Variants in ACCSL observed in about 807,000 individuals in gnomAD.
The protein encoded by ACCSL is 1-aminocyclopropane-1-carboxylate synthase homolog (inactive) like.
In ACCSL, 55 loss-of-function variants were observed where a neutral mutation model predicts 61.7. The observed-to-expected ratio is 0.89, with a 90% confidence interval of 0.72 to 1.12. The LOEUF is 1.12. Among genes scored for constraint, ACCSL ranks in the 50% most tolerant of loss-of-function variants. The pLI is 0.00. For synonymous variants in ACCSL, 258 were observed against 264.3 expected (o/e 0.98, Z 0.23); for missense variants, 632 against 698.0 (o/e 0.91, Z 1.07).
the ACCSL span, among the ~76,000 whole-genome samples, chr11:44,029,131 G>A: frequency 6.6e-6 from 1 of 152,200 alleles, no homozygotes; most frequent in East Asian, 1.9e-4. Context: ...TAATCAGAGG[G>A]ATCCTTCTAT....
rs755691880 is a variant in ACCSL, at chr11:44,058,422, G to A, written c.1433G>A (p.Arg478His). The A allele has an allele frequency of 6.2e-6, 10 of 1,614,016 alleles. No homozygotes were observed. The highest frequency in any genetic ancestry group is 4.0e-5 in the African/African-American group (3 of 74,896). ...GCATTGGAGATCCCTTTTCACAACC[G>A]CAGCTCTGGCCTCTATGTCTGGATC... Reference protein sequence around the residue: ...LKALEIPFHNRSSGLYVWINL... With the variant: ...LKALEIPFHNHSSGLYVWINL... Residue 478 changes from arginine (R) to histidine (H), a missense_variant, in exon 12 of 14, where the codon CGC (arginine) becomes CAC (histidine). Coordinates refer to ENST00000378832, the MANE Select transcript of ACCSL (RefSeq NM_001031854.2).
chr11:43,991,179 C>T, the ACCSL span, among the ~76,000 whole-genome samples: 4 of 152,334 alleles, frequency 2.6e-5, no homozygotes, highest in Admixed American at 2.6e-4. Context: ...ATGCCAGGCC[C>T]TGTTCTGAGC....
chr11:43,951,931 G>A, the ACCSL span, among the ~76,000 whole-genome samples: 54 of 152,294 alleles, frequency 3.5e-4, no homozygotes, highest in Non-Finnish European at 5.9e-4. Flanking sequence ...AATCCTGGAG[G>A]TAGAGGTTAT....
At chr11:44,040,092 C>G in the ACCSL span, among the ~76,000 whole-genome samples, 4 of 152,244 alleles carry the variant, frequency 2.6e-5, no homozygotes, top group African/African-American at 9.6e-5. Context: ...TCTCCTGGGT[C>G]TCCTTCCTGA....
chr11:44,046,754 GA>G (rs946314907), upstream of ACCSL, among the ~76,000 whole-genome samples: 2 of 151,642 alleles, frequency 1.3e-5, no homozygotes, highest in Admixed American at 1.3e-4. Flanking sequence ...TAGATTTTTA[GA>G]AAAAAGGGTC....
the ACCSL span, among the ~76,000 whole-genome samples, chr11:43,976,923 A>G: frequency 6.6e-6 from 1 of 152,226 alleles, no homozygotes; most frequent in African/African-American, 2.4e-5. Context: ...AGTAGGTATT[A>G]CTTTTATAAA....
intron 4 of ACCSL, 104 bp downstream of exon 4, chr11:44,051,508 C>T: frequency 6.5e-7 from 1 of 1,543,616 alleles, no homozygotes; most frequent in South Asian, 1.1e-5. Flanking sequence ...TGAAGACTCT[C>T]AGGGCCAGGG....
chr11:44,051,068 C>T (rs1309457425), intron 3 of ACCSL, among the ~76,000 whole-genome samples: 1 of 152,110 alleles, frequency 6.6e-6, no homozygotes, highest in Non-Finnish European at 1.5e-5. Context: ...GTCTTGATCT[C>T]CTGACCTTGT....
Position 44,050,083 on chromosome 11 carries a change from A to C in ACCSL, c.526A>C (p.Ser176Arg). ...CCAGGGTTTCATTAACCTTGGCACC[A>C]GTGAGAACAAGCTCTGCATGGATCT... The part of the protein sequence containing the change: ...NTLGFINLGT[S>R]ENKLCMDLMT... Residue 176 changes from serine (S) to arginine (R), a missense_variant, in exon 2 of 14, where the codon AGT becomes CGT. By Grantham distance (110) the Ser-to-Arg change is moderately radical. Transcript: ENST00000378832. 6.2e-7 allele frequency: 1 copy of C among 1,614,158 alleles called. No individual in the cohort carries two copies. Among genetic ancestry groups the C allele is most frequent in the Non-Finnish European group, 8.5e-7 (1 of 1,180,016 alleles).
the ACCSL span, among the ~76,000 whole-genome samples, chr11:43,961,131 T>C: frequency 2.0e-5 from 3 of 152,164 alleles, no homozygotes; most frequent in African/African-American, 7.2e-5. Context: ...TCTGACCTAG[T>C]TTTTAATTTA....
intron 13 of ACCSL, among the ~76,000 whole-genome samples, chr11:44,059,575 T>C (rs779396580): frequency 2.0e-5 from 3 of 152,224 alleles, no homozygotes; most frequent in Non-Finnish European, 4.4e-5. Context: ...GAAATCCTGA[T>C]TAGGCCAAGG....
At chr11:43,954,523 C>G in the ACCSL span, among the ~76,000 whole-genome samples, 4 of 151,874 alleles carry the variant, frequency 2.6e-5, no homozygotes, top group Non-Finnish European at 5.9e-5. Context: ...TTACCCTAAT[C>G]TTTTATTATG....
the ACCSL span, among the ~76,000 whole-genome samples, chr11:43,966,889 C>A: frequency 6.6e-6 from 1 of 152,130 alleles, no homozygotes; most frequent in Non-Finnish European, 1.5e-5. Context: ...CCTTCTATTT[C>A]TAAAAATTTA....
the ACCSL span, among the ~76,000 whole-genome samples, chr11:43,954,046 GACT>G: frequency 3.3e-5 from 5 of 152,258 alleles, no homozygotes; most frequent in African/African-American, 1.2e-4. Flanking sequence ...GGGAACAGGT[GACT>G]TGTCGTGCAG....
the ACCSL span, among the ~76,000 whole-genome samples, chr11:44,003,343 C>T: frequency 6.6e-6 from 1 of 152,078 alleles, no homozygotes; most frequent in African/African-American, 2.4e-5. Context: ...TTTAAATGTA[C>T]AGTTTAGTGG....
chr11:44,035,092 C>A, the ACCSL span, among the ~76,000 whole-genome samples: 1 of 152,160 alleles, frequency 6.6e-6, no homozygotes, highest in Non-Finnish European at 1.5e-5. Flanking sequence ...GTAGGTTCCT[C>A]CTTTGCTTCC....
At chr11:44,045,985 C>T (rs893335722), upstream of ACCSL, among the ~76,000 whole-genome samples, 9 of 152,206 alleles carry the variant, frequency 5.9e-5, no homozygotes, top group African/African-American at 1.9e-4. Context: ...TCCACTAGCA[C>T]TCCGCAGGAC....
At chr11:44,048,631 T>G in intron 1 of ACCSL, 91 bp downstream of exon 1, 68 of 1,102,652 alleles carry the variant, frequency 6.2e-5, no homozygotes, top group Non-Finnish European at 7.9e-5. Flanking sequence ...ATATATGCTC[T>G]CATTCTTTAT....
At chr11:44,036,583 A>G in the ACCSL span, among the ~76,000 whole-genome samples, 1 of 151,964 alleles carries the variant, frequency 6.6e-6, no homozygotes, top group Non-Finnish European at 1.5e-5. Flanking sequence ...GGAGTTTGAG[A>G]CCAGCCTGGC....
Sources: gnomAD v4.1 joint callset for allele counts (sites outside exome capture counted in the v4.1 genomes callset) on GRCh38, gnomAD v4.1.1 for gene constraint, MANE v1.5 for transcripts, NCBI Gene and HGNC (gene_info 2026-07-23, HGNC 2026-07-21) for gene names.